The following MACROH2A1 variants were observed in gnomAD, a reference collection of about 807,000 sequenced individuals.
MACROH2A1 encodes macroH2A.1 histone, also known as core histone macro-H2A.1.
MACROH2A1 carries 2 observed loss-of-function variants against 31.6 expected under a neutral mutation model. The ratio of observed to expected loss-of-function variants is 0.06; its 90% CI spans 0.03 to 0.20. MACROH2A1 has a LOEUF of 0.20. Ranked by LOEUF, MACROH2A1 falls within the 10% of genes least tolerant of loss-of-function variation. The probability of loss-of-function intolerance (pLI) is 1.00; values close to 1 mark genes in which losing one functional copy is unlikely to be tolerated. For missense variants in MACROH2A1, 230 were observed against 474.0 expected, an observed-to-expected ratio of 0.49 and a Z score of 4.78; for synonymous variants, 169 against 189.6, an observed-to-expected ratio of 0.89 and a Z score of 0.89.
intron 2 of MACROH2A1, among the ~76,000 whole-genome samples, chr5:135,371,358 A>G (rs1164141966): frequency 6.6e-6 from 1 of 152,270 alleles, no homozygotes; most frequent in African/African-American, 2.4e-5. Flanking sequence ...TAACACAAGG[A>G]AACAAATATG....
intron 8 of MACROH2A1, among the ~76,000 whole-genome samples, chr5:135,340,462 C>G (rs1300217816): frequency 1.3e-5 from 2 of 152,196 alleles, no homozygotes; most frequent in Admixed American, 1.3e-4. Flanking sequence ...TACTACCCCT[C>G]TGGAGAGGGG....
In MACROH2A1 at chr5:135,372,763, G is replaced by A. The variant is rs1764338234; in HGVS notation, c.173-2621C>T. 3.9e-5 allele frequency among the ~76,000 whole-genome samples: 6 copies of A among 152,364 alleles called. No homozygotes were observed. The South Asian group carries it at 1.2e-3, about 32-fold the overall frequency. On this transcript the variant is annotated intron_variant, in intron 2 of 8. Transcript: ENST00000511689. ...AGCCTGGGAGCAATGGAACATGAAG[G>A]AGAGTCAGCCACGATGGGTGCTGGG...
chr5:135,382,779 A>G (rs1455828829), intron 2 of MACROH2A1, among the ~76,000 whole-genome samples: 1 of 152,250 alleles, frequency 6.6e-6, no homozygotes, highest in African/African-American at 2.4e-5. Flanking sequence ...TCCAAGTATT[A>G]TAGTCTGACC....
intron 8 of MACROH2A1, among the ~76,000 whole-genome samples, chr5:135,338,740 C>T (rs1313571445): frequency 1.3e-5 from 2 of 151,472 alleles, no homozygotes; most frequent in Non-Finnish European, 2.9e-5. Flanking sequence ...GCCATTCCTG[C>T]CTGGCCTGGC....
intron 6 of MACROH2A1, among the ~76,000 whole-genome samples, chr5:135,351,998 G>A (rs1761645491): frequency 6.6e-6 from 1 of 151,808 alleles, no homozygotes; most frequent in African/African-American, 2.4e-5. Context: ...CAGTCCTCAT[G>A]TTTTCAGCCC....
chr5:135,377,865 T>C (rs748920821), intron 2 of MACROH2A1, among the ~76,000 whole-genome samples: 30 of 152,238 alleles, frequency 2.0e-4, no homozygotes, highest in Non-Finnish European at 3.5e-4. Context: ...TCCCAAAAAA[T>C]GGTTCTGAGC....
intron 6 of MACROH2A1, chr5:135,346,534 G>C (rs931334865): frequency 1.2e-5 from 2 of 162,430 alleles, no homozygotes; most frequent in Admixed American, 1.2e-4. Context: ...CTGGCAGCAG[G>C]CCTAGAAGGA....
intron 2 of MACROH2A1, among the ~76,000 whole-genome samples, chr5:135,371,272 A>G (rs1207100838): frequency 2.0e-5 from 3 of 152,208 alleles, no homozygotes; most frequent in Non-Finnish European, 2.9e-5. Flanking sequence ...TTAATGATCT[A>G]TTGTGCAGAA....
intron 2 of MACROH2A1, among the ~76,000 whole-genome samples, chr5:135,376,267 G>A (rs934673639): frequency 4.6e-5 from 7 of 152,150 alleles, no homozygotes; most frequent in African/African-American, 1.7e-4. Flanking sequence ...GGAGCCAGGG[G>A]TCTCAGAGAC....
chr5:135,360,254 G>A (rs1310277172), intron 5 of MACROH2A1: 2 of 543,384 alleles, frequency 3.7e-6, no homozygotes, highest in Non-Finnish European at 6.6e-6. Flanking sequence ...TCCCACAGGA[G>A]CTGCCTGCCC....
At chr5:135,338,256 G>A (rs1759140266) in intron 8 of MACROH2A1, among the ~76,000 whole-genome samples, 1 of 152,202 alleles carries the variant, frequency 6.6e-6, no homozygotes, top group Non-Finnish European at 1.5e-5. Flanking sequence ...AAGCAGAGTG[G>A]TTAAGAGCTC....
intron 4 of MACROH2A1, among the ~76,000 whole-genome samples, chr5:135,364,709 T>C (rs3776206): frequency 0.15 from 22,323 of 152,182 alleles, 3,165 homozygotes; most frequent in African/African-American, 0.37. Flanking sequence ...CATCACCCCA[T>C]GTTTACCTAT....
intron 2 of MACROH2A1, among the ~76,000 whole-genome samples, chr5:135,373,811 C>T (rs6875552): frequency 7.1e-4 from 108 of 152,288 alleles, no homozygotes; most frequent in African/African-American, 2.5e-3. Flanking sequence ...GGGCCCTCAG[C>T]CCTGTGGGTA....
At chr5:135,340,528 C>A (rs1380226344) in intron 8 of MACROH2A1, among the ~76,000 whole-genome samples, 1 of 152,138 alleles carries the variant, frequency 6.6e-6, no homozygotes, top group Non-Finnish European at 1.5e-5. Context: ...AATATCGTGA[C>A]CAGAATGGCT....
intron 2 of MACROH2A1, among the ~76,000 whole-genome samples, chr5:135,374,621 G>A (rs1471069906): frequency 6.6e-6 from 1 of 152,182 alleles, no homozygotes; most frequent in African/African-American, 2.4e-5. Context: ...GGGGGAGGGT[G>A]GGTTCTTGCA....
At chr5:135,337,552 A>G (rs1409221954) in intron 8 of MACROH2A1, among the ~76,000 whole-genome samples, 1 of 152,256 alleles carries the variant, frequency 6.6e-6, no homozygotes, top group Admixed American at 6.5e-5. Flanking sequence ...ATTCTTTTCT[A>G]TTCCTCTACA....
At chr5:135,388,528 C>T (rs1281912500) in intron 2 of MACROH2A1, among the ~76,000 whole-genome samples, 1 of 152,058 alleles carries the variant, frequency 6.6e-6, no homozygotes, top group Non-Finnish European at 1.5e-5. Context: ...GCAAACTGTT[C>T]AAAATTAAAT....
chr5:135,337,802 TAGAG>T, intron 8 of MACROH2A1: 1 of 257,922 alleles, frequency 3.9e-6, no homozygotes, highest in South Asian at 1.2e-4. Context: ...GTCCCGTTAA[TAGAG>T]AGCAGACGGT....
intron 2 of MACROH2A1, among the ~76,000 whole-genome samples, chr5:135,388,456 G>T (rs950831397): frequency 6.6e-6 from 1 of 152,316 alleles, no homozygotes; most frequent in Non-Finnish European, 1.5e-5. Context: ...AGGACATTCT[G>T]CCAAACAACT....
Sources: allele counts gnomAD v4.1 joint callset (sites outside exome capture counted in the v4.1 genomes callset), GRCh38; gene constraint gnomAD v4.1.1; transcripts MANE v1.5; gene names NCBI Gene and HGNC (gene_info 2026-07-23, HGNC 2026-07-21).